The following PAXBP1 variants were observed in gnomAD, a reference collection of about 807,000 sequenced individuals.
The protein encoded by PAXBP1 is PAX3- and PAX7-binding protein 1.
A neutral mutation model predicts 119.9 loss-of-function variants in PAXBP1; 44 were observed. That is an observed-to-expected ratio of 0.37 (90% CI 0.29 to 0.47). PAXBP1 has a LOEUF of 0.47. PAXBP1 is among the 20% of genes least tolerant of loss of function. The pLI is 0.99. For missense variants in PAXBP1, 898 were observed against 1,134.1 expected (o/e 0.79, Z 2.99); for synonymous variants, 393 against 406.6 (o/e 0.97, Z 0.40).
intron 8 of PAXBP1, among the ~76,000 whole-genome samples, 179 bp downstream of exon 8, chr21:32,755,051 T>G (rs536834199): frequency 6.6e-6 from 1 of 152,254 alleles, no homozygotes; most frequent in East Asian, 1.9e-4. Flanking sequence ...AAGCTCTATT[T>G]TCTTAAACAC....
chr21:32,739,442 T>C (rs578261086), intron 15 of PAXBP1, among the ~76,000 whole-genome samples: 28 of 152,262 alleles, frequency 1.8e-4, no homozygotes, highest in African/African-American at 6.0e-4. Flanking sequence ...AGATAATCTA[T>C]GTAAAAGGTG....
rs1413891127 is a variant in PAXBP1 at position 32,751,027 on chromosome 21, C to T, written c.1613G>A (p.Arg538His). Residue 538 changes from arginine (R) to histidine (H), a missense_variant, in exon 10 of 18, where the codon CGT becomes CAT. Arg to His is a conservative substitution (Grantham distance 29). Around this residue, in one of 2 missense-constraint regions of PAXBP1, gnomAD observed 599 missense variants for 852.7 expected, o/e 0.70. Coordinates refer to ENST00000331923, the MANE Select transcript of PAXBP1 (RefSeq NM_016631.4). ...RIAEREARRT[R>H]RRQAREQTGK... ...GGTTTGTTCTCTGGCTTGTCTACGA[C>T]GAGTCCTAAATAATAAACATCAAGT... The T allele has an allele frequency of 2.5e-6, 4 of 1,613,966 alleles. No individual in the cohort carries two copies. The highest frequency in any genetic ancestry group is 2.5e-6 in the Non-Finnish European group (3 of 1,179,942).
chr21:32,745,273 C>T (rs1370545062), intron 12 of PAXBP1, among the ~76,000 whole-genome samples: 1 of 152,086 alleles, frequency 6.6e-6, no homozygotes. Context: ...TTTAATTGCT[C>T]CCCACATAAA....
rs1011614448 is a variant in PAXBP1 at position 32,764,448 on chromosome 21, A to C, written c.549T>G (p.Gly183=). 6.2e-7 allele frequency: 1 copy of C among 1,613,822 alleles called. No homozygotes were observed. ...CACTTTCCATATCCATTTCATCTTCACCATGTTCACTGATGATAACTCCAT... is the reference window on the plus strand; with the variant it reads ...CACTTTCCATATCCATTTCATCTTCCCCATGTTCACTGATGATAACTCCAT... ...QEDGVIISEH[G]EDEMDMESEK... Residue 183 remains glycine, a synonymous_variant, in exon 3 of 18, where the codon GGT becomes GGG. Transcript: ENST00000331923.
chr21:32,760,136 TAGATAAAAGCAGGATTG>T (rs1331188825), intron 5 of PAXBP1, 142 bp from the exon 6 acceptor site: 2 of 643,456 alleles, frequency 3.1e-6, no homozygotes, highest in Non-Finnish European at 5.3e-6. Context: ...TCTTCAAAAT[TAGATAAAAGCAGGATTG>T]AATGAATGTC....
chr21:32,758,739 T>C (rs1352240826), intron 7 of PAXBP1, among the ~76,000 whole-genome samples: 5 of 151,990 alleles, frequency 3.3e-5, no homozygotes, highest in Admixed American at 1.3e-4. Context: ...AGTTTAAACC[T>C]GAACCAGAAA....
At chr21:32,760,902 C>CGTGTGTGTGTGTGTGTGTGTGTGTGTGT (rs1175775718) in intron 5 of PAXBP1, among the ~76,000 whole-genome samples, 157 bp downstream of exon 5, 2 of 127,714 alleles carry the variant, frequency 1.6e-5, no homozygotes, top group Non-Finnish European at 3.3e-5. Context: ...TGCGTGCGTG[C>CGTGTGTGTGTGTGTGTGTGTGTGTGTGT]GTGTGTGTGT....
chr21:32,738,389 T>A, intron 15 of PAXBP1, 70 bp from the exon 16 acceptor site: 1 of 1,259,762 alleles, frequency 7.9e-7, no homozygotes, highest in Non-Finnish European at 1.1e-6. Flanking sequence ...AGTTACATAG[T>A]AAAACACCAT....
intron 14 of PAXBP1, 140 bp from the exon 15 acceptor site, chr21:32,743,454 T>C (rs1455964589): frequency 4.2e-6 from 3 of 707,150 alleles, no homozygotes; most frequent in Non-Finnish European, 7.0e-6. Flanking sequence ...TTCTGGAAGA[T>C]AGTATGTTAA....
At chr21:32,764,943 G>A (rs1053380592) in intron 2 of PAXBP1, among the ~76,000 whole-genome samples, 4 of 152,126 alleles carry the variant, frequency 2.6e-5, no homozygotes, top group Non-Finnish European at 5.9e-5. Flanking sequence ...AAGCCCATGC[G>A]AGGCAACTCT....
intron 7 of PAXBP1, chr21:32,756,663 A>ATT: frequency 1.8e-5 from 4 of 227,444 alleles, no homozygotes; most frequent in Admixed American, 5.7e-5. Context: ...CCATGCCCTC[A>ATT]TTTTTTTTTT....
At position 32,771,608 on chromosome 21, in the gene PAXBP1, G is replaced by C; in HGVS notation, c.61C>G (p.Arg21Gly). The change falls in exon 1 of 18, where the codon CGG becomes GGG. Residue 21 changes from arginine (R) to glycine (G), a missense_variant. Arg to Gly is a moderately radical substitution (Grantham distance 125). Coordinates refer to ENST00000331923, the MANE Select transcript of PAXBP1 (RefSeq NM_016631.4). ...RKRNDSEEEE[R>G]ERDEEQEPPP... ...GGCTCCTGCTCCTCATCGCGTTCCC[G>C]CTCTTCCTCTTCGGAGTCGTTCCGC... 6.8e-7 allele frequency: 1 copy of C among 1,467,372 alleles called. No homozygotes were observed. The highest frequency in any genetic ancestry group is 1.3e-5 in the South Asian group (1 of 77,830). 90.9% of individuals were successfully genotyped at this position (1,467,372 alleles called of 1,614,324 possible). A position where few individuals can be genotyped will look rare whatever the true frequency, so the allele number is the denominator to read the frequency against.
At position 32,762,100 on chromosome 21, in the gene PAXBP1, T is replaced by C. The variant is rs2044159256; in HGVS notation, c.867A>G (p.Glu289=). The change falls in exon 4 of 18, where the codon GAA becomes GAG. Residue 289 remains glutamate, a synonymous_variant. Coordinates refer to ENST00000331923, the MANE Select transcript of PAXBP1 (RefSeq NM_016631.4). ...TATTCAATTAAATCAAGTTACCTAT[T>C]TCCTCAGCAATTTTTTGTCTTTGTG... is the stretch of plus-strand genomic sequence containing the variant. ...EKSQRQKIAE[E]IGIEGSDDDA... The C allele has an allele frequency of 1.2e-6, 2 of 1,614,108 alleles. No individual in the cohort carries two copies. The highest frequency in any genetic ancestry group is 1.7e-6 in the Non-Finnish European group (2 of 1,180,002).
Position 32,769,368 on chromosome 21 carries a change from A to G in PAXBP1, c.472+446T>C, listed in dbSNP as rs923436957. The stretch of plus-strand genomic sequence containing the variant: ...GATAAGGCTGCTGAATGGGAGTAAT[A>G]CTAATATTAAATTTAGGGCATTCCT... On this transcript the variant is annotated intron_variant, in intron 2 of 17. Coordinates refer to ENST00000331923, the MANE Select transcript of PAXBP1 (RefSeq NM_016631.4). Among the ~76,000 whole-genome samples the G allele has an allele frequency of 3.3e-5, 5 of 152,230 alleles. No individual in the cohort carries two copies. The East Asian group carries it at 9.7e-4, about 29-fold the overall frequency.
chr21:32,743,004 G>C, intron 15 of PAXBP1: 1 of 600,472 alleles, frequency 1.7e-6, no homozygotes, highest in African/African-American at 1.8e-5. Context: ...ATTAATTGTG[G>C]CTTAGTCAGG....
intron 8 of PAXBP1, among the ~76,000 whole-genome samples, chr21:32,754,041 G>A (rs376428615): frequency 3.3e-5 from 5 of 152,116 alleles, no homozygotes; most frequent in Non-Finnish European, 5.9e-5. Context: ...TTAAAATTCA[G>A]TGGCAAAAAC....
In PAXBP1 at chr21:32,735,220, T is replaced by TA. The variant is rs796083856; in HGVS notation, c.2637-154dup. 2.7e-3 allele frequency among the ~76,000 whole-genome samples: 396 copies of TA among 144,782 alleles called. 1 individual carries two copies. Among genetic ancestry groups the TA allele is most frequent in the Middle Eastern group, 7.1e-3 (2 of 280 alleles). 95.0% of individuals were successfully genotyped at this position (144,782 alleles called of 152,430 possible). ...AACAGATATGCAAGCTACAGCATGTTAAAAAAAAAAAAGTTTACATTTATC... is the reference window on the plus strand; with the variant it reads ...AACAGATATGCAAGCTACAGCATGTTAAAAAAAAAAAAAGTTTACATTTATC... On this transcript the variant is annotated intron_variant, in intron 17 of 17. Coordinates refer to ENST00000331923, the MANE Select transcript of PAXBP1 (RefSeq NM_016631.4).
chr21:32,737,831 G>A (rs1355718531), intron 16 of PAXBP1, among the ~76,000 whole-genome samples: 1 of 152,164 alleles, frequency 6.6e-6, no homozygotes, highest in East Asian at 1.9e-4. Context: ...ATCCATGCAT[G>A]CTGCTAAGGG....
intron 2 of PAXBP1, among the ~76,000 whole-genome samples, chr21:32,765,343 G>A (rs1338111749): frequency 6.6e-6 from 1 of 152,100 alleles, no homozygotes; most frequent in Non-Finnish European, 1.5e-5. Context: ...TGTCATCCAG[G>A]AGGCACCACT....
Sources: allele counts gnomAD v4.1 joint callset (sites outside exome capture counted in the v4.1 genomes callset), GRCh38; gene constraint gnomAD v4.1.1; regional missense constraint gnomAD v4.1.1; transcripts MANE v1.5; gene names NCBI Gene and HGNC (gene_info 2026-07-23, HGNC 2026-07-21).